LYN: variants seen among roughly 807,000 people sequenced by gnomAD.
The protein encoded by LYN is LYN proto-oncogene, Src family tyrosine kinase, also known as tyrosine-protein kinase Lyn.
In LYN, 12 loss-of-function variants were observed where a neutral mutation model predicts 65.0. The ratio of observed to expected loss-of-function variants is 0.18; its 90% CI spans 0.12 to 0.30. The LOEUF (loss-of-function observed/expected upper bound fraction) is 0.30, where lower values mean the gene tolerates loss of function less well. Among genes scored for constraint, LYN ranks in the 10% least tolerant of loss-of-function variants. The pLI is 1.00. For missense variants in LYN, 380 were observed against 623.2 expected, an observed-to-expected ratio of 0.61 and a Z score of 4.16; for synonymous variants, 222 against 221.2, an observed-to-expected ratio of 1.00 and a Z score of -0.03.
rs1331722803 is a variant in LYN at position 55,938,838 on chromosome 8, C to T, written c.-5-3017C>T. On this transcript the variant is annotated intron_variant, in intron 1 of 12. Coordinates refer to ENST00000519728, the MANE Select transcript of LYN (RefSeq NM_002350.4). ...TTAGCTTATGACTTAGACTTGAGAG[C>T]GCACTCCTGTGTGAGTGAGTCTTAG... Among the ~76,000 whole-genome samples, 7 of 152,282 alleles carry T rather than the reference C, an allele frequency of 4.6e-5. No homozygotes were observed. The South Asian group carries it at 6.2e-4, about 14-fold the overall frequency.
At chr8:55,998,570 A>C in intron 11 of LYN, 71 bp downstream of exon 11, 1 of 1,444,098 alleles carries the variant, frequency 6.9e-7, no homozygotes, top group Non-Finnish European at 9.7e-7. Context: ...TTTTTGACAA[A>C]GCAATTACAA....
rs368403201 is a variant in LYN, at chr8:55,911,933, G to A, written c.-5-29922G>A. Among the ~76,000 whole-genome samples the A allele has an allele frequency of 9.6e-4, 146 of 152,220 alleles. 3 individuals carry two copies. In the South Asian group the frequency reaches 0.029, roughly 30 times the overall value. On this transcript the variant is annotated intron_variant, in intron 1 of 12. Coordinates refer to ENST00000519728, the MANE Select transcript of LYN (RefSeq NM_002350.4). ...GTCTTATTGATGGGGTGTGGTGGGC[G>A]TCCAAATGGAGATGTGGAAGTTTGA... is the stretch of plus-strand genomic sequence containing the variant.
chr8:55,978,539 G>T (rs1807823752), intron 10 of LYN, among the ~76,000 whole-genome samples: 1 of 152,316 alleles, frequency 6.6e-6, no homozygotes, highest in Admixed American at 6.5e-5. Flanking sequence ...GCTTCAAGGA[G>T]GCTGGTGCTG....
At chr8:55,880,536 C>T (rs960580430) in intron 1 of LYN, among the ~76,000 whole-genome samples, 2 of 152,318 alleles carry the variant, frequency 1.3e-5, no homozygotes, top group Middle Eastern at 3.4e-3. Context: ...GGAGAGGACT[C>T]CTCGGATTGT....
intron 8 of LYN, among the ~76,000 whole-genome samples, chr8:55,962,423 G>A (rs1807313228): frequency 6.6e-6 from 1 of 152,108 alleles, no homozygotes; most frequent in African/African-American, 2.4e-5. Context: ...ATGCATCCGT[G>A]CTTTTGGGTG....
intron 10 of LYN, among the ~76,000 whole-genome samples, chr8:55,985,504 T>A (rs1808051806): frequency 6.6e-6 from 1 of 152,242 alleles, no homozygotes; most frequent in Admixed American, 6.5e-5. Flanking sequence ...AGATTTCCTT[T>A]AAGTTTGTCA....
chr8:55,947,712 A>G lies in LYN; in HGVS notation c.273A>G (p.Lys91=), dbSNP rs538467028. ...DLSFKKGEKM[K]VLEEHGEWWK... ...CTTTCAAGAAAGGAGAGAAGATGAAAGTCCTGGAGGAGTAAGTGCTCTCAA... is the reference window on the plus strand; with the variant it reads ...CTTTCAAGAAAGGAGAGAAGATGAAGGTCCTGGAGGAGTAAGTGCTCTCAA... Residue 91 remains lysine (K), a synonymous_variant, in exon 4 of 13, where the codon AAA becomes AAG. Transcript: ENST00000519728. The G allele has an allele frequency of 1.2e-6, 2 of 1,613,124 alleles. No individual in the cohort carries two copies. Among genetic ancestry groups the G allele is most frequent in the Admixed American group, 1.7e-5 (1 of 60,020 alleles).
chr8:55,942,065 G>C (rs944274856), intron 2 of LYN, 74 bp downstream of exon 2: 1 of 1,490,264 alleles, frequency 6.7e-7, no homozygotes, highest in Non-Finnish European at 9.1e-7. Flanking sequence ...ACACCAGTCT[G>C]TAATATGTGC....
chr8:55,978,606 C>A (rs1255516549), intron 10 of LYN, among the ~76,000 whole-genome samples: 1 of 152,120 alleles, frequency 6.6e-6, no homozygotes, highest in African/African-American at 2.4e-5. Context: ...TGGGAAGGGG[C>A]AGAGGACAGC....
At chr8:55,928,610 C>A (rs1354500864) in intron 1 of LYN, among the ~76,000 whole-genome samples, 1 of 152,072 alleles carries the variant, frequency 6.6e-6, no homozygotes, top group East Asian at 1.9e-4. Flanking sequence ...TTTAAGAGTT[C>A]TTTGTCTATT....
intron 8 of LYN, among the ~76,000 whole-genome samples, chr8:55,961,262 AGTGTC>A (rs907480710): frequency 6.6e-6 from 1 of 152,196 alleles, no homozygotes; most frequent in Non-Finnish European, 1.5e-5. Context: ...ACTGTGGCAA[AGTGTC>A]ACTCCACAAG....
chr8:55,945,031 A>G (rs1402690194), intron 2 of LYN, among the ~76,000 whole-genome samples: 2 of 152,194 alleles, frequency 1.3e-5, no homozygotes, highest in African/African-American at 2.4e-5. Flanking sequence ...TTCCATGGCC[A>G]TAACCAACAC....
chr8:56,008,393 TG>T (rs569621159), intron 12 of LYN, among the ~76,000 whole-genome samples: 477 of 152,316 alleles, frequency 3.1e-3, no homozygotes, highest in Non-Finnish European at 5.9e-3. Flanking sequence ...GGAAATTCGT[TG>T]TGAGGAATGG....
At chr8:55,942,514 C>T (rs1384835259) in intron 2 of LYN, among the ~76,000 whole-genome samples, 5 of 150,434 alleles carry the variant, frequency 3.3e-5, no homozygotes, top group East Asian at 1.9e-4. Context: ...AGGCTGGGCG[C>T]GGTGGCTCAC....
chr8:55,921,061 A>G (rs913614715), intron 1 of LYN, among the ~76,000 whole-genome samples: 5 of 152,256 alleles, frequency 3.3e-5, no homozygotes, highest in Non-Finnish European at 5.9e-5. Context: ...TTATCAGATA[A>G]TGGGGGACAT....
chr8:55,964,528 A>G (rs924856633), intron 8 of LYN, among the ~76,000 whole-genome samples: 2 of 152,226 alleles, frequency 1.3e-5, no homozygotes, highest in African/African-American at 4.8e-5. Context: ...TTGGAAATAG[A>G]TGTATAATAC....
intron 1 of LYN, chr8:55,893,906 A>C (rs904683951): frequency 1.3e-5 from 2 of 152,234 alleles, no homozygotes; most frequent in African/African-American, 2.4e-5. Context: ...TCCTGGGCTG[A>C]AGTGATCCTC....
At chr8:55,914,883 G>GAGCAA (rs1805741487) in intron 1 of LYN, among the ~76,000 whole-genome samples, 1 of 152,168 alleles carries the variant, frequency 6.6e-6, no homozygotes, top group Admixed American at 6.6e-5. Context: ...TGCTAATGAT[G>GAGCAA]TGTTTCAGAT....
intron 10 of LYN, among the ~76,000 whole-genome samples, chr8:55,997,909 C>T (rs1413970476): frequency 6.6e-6 from 1 of 151,842 alleles, no homozygotes. Flanking sequence ...ATGGTGAAAC[C>T]CCGTCTCTAC....
Sources: gnomAD v4.1 joint callset for allele counts (sites outside exome capture counted in the v4.1 genomes callset) on GRCh38, gnomAD v4.1.1 for gene constraint, MANE v1.5 for transcripts, NCBI Gene and HGNC (gene_info 2026-07-23, HGNC 2026-07-21) for gene names.